The following CA8 variants were observed in gnomAD, a reference collection of about 807,000 sequenced individuals.
CA8 encodes the protein carbonic anhydrase 8 (inactive).
CA8 carries 22 observed loss-of-function variants against 41.4 expected under a neutral mutation model. The ratio of observed to expected loss-of-function variants is 0.53; its 90% confidence interval spans 0.38 to 0.76. CA8 has a LOEUF of 0.76. CA8 is among the 30% of genes least tolerant of loss of function. The probability of loss-of-function intolerance (pLI) is 0.00; values close to 1 mark genes in which losing one functional copy is unlikely to be tolerated. For synonymous variants in CA8, 121 were observed against 130.6 expected (o/e 0.93, Z 0.50); for missense variants, 270 against 352.8 (o/e 0.77, Z 1.88).
At chr8:60,203,334 A>G (rs1806487587) in intron 8 of CA8, among the ~76,000 whole-genome samples, 1 of 152,184 alleles carries the variant, frequency 6.6e-6, no homozygotes, top group African/African-American at 2.4e-5. Flanking sequence ...ATTGAAAGAA[A>G]AAGGATAACT....
intron 8 of CA8, among the ~76,000 whole-genome samples, chr8:60,205,596 A>C (rs1369363526): frequency 1.3e-5 from 2 of 152,198 alleles, no homozygotes; most frequent in Admixed American, 6.5e-5. Flanking sequence ...CCGCTGAACC[A>C]AAGAATTTCC....
rs186456966 is a variant in CA8 at position 60,277,499 on chromosome 8, G to A, written c.292+2190C>T. 5.4e-3 allele frequency among the ~76,000 whole-genome samples: 823 copies of A among 152,076 alleles called. 6 individuals are homozygous for A. The highest frequency in any genetic ancestry group is 0.016 in the African/African-American group (646 of 41,470). On this transcript the variant is annotated intron_variant, in intron 2 of 8. Coordinates refer to ENST00000317995, the MANE Select transcript of CA8 (RefSeq NM_004056.6). ...GCCCCAAGTAGCTGGGATTACAGGC[G>A]TGTGCCACCATGCCCAGCTAATTTT...
intron 3 of CA8, among the ~76,000 whole-genome samples, chr8:60,254,466 T>C (rs1488533287): frequency 6.6e-6 from 1 of 152,222 alleles, no homozygotes; most frequent in Non-Finnish European, 1.5e-5. Flanking sequence ...ACAGCAAGAT[T>C]GGGAACACAG....
chr8:60,237,790 T>G (rs1307841637), intron 3 of CA8, among the ~76,000 whole-genome samples: 1 of 152,210 alleles, frequency 6.6e-6, no homozygotes, highest in Non-Finnish European at 1.5e-5. Flanking sequence ...CTTGGGCACC[T>G]CAGGGTAGAA....
intron 3 of CA8, among the ~76,000 whole-genome samples, chr8:60,235,858 T>C (rs1457079183): frequency 6.6e-6 from 1 of 152,166 alleles, no homozygotes; most frequent in East Asian, 1.9e-4. Context: ...TTATTATGTA[T>C]GCAGTCTGGA....
At chr8:60,219,973 C>T (rs1807189167) in intron 7 of CA8, among the ~76,000 whole-genome samples, 2 of 132,810 alleles carry the variant, frequency 1.5e-5, no homozygotes, top group Middle Eastern at 4.2e-3. Context: ...ATTCTCTAAA[C>T]GTTGTCCCTA....
chr8:60,190,009 A>G (rs1441038678), intron 8 of CA8, 24 bp from the exon 9 acceptor site: 1 of 150,126 alleles, frequency 6.7e-6, no homozygotes, highest in Non-Finnish European at 1.5e-5. Context: ...AAAAAAAAAA[A>G]TGAATCAATT....
At chr8:60,196,300 T>A (rs954624467) in intron 8 of CA8, among the ~76,000 whole-genome samples, 3 of 152,222 alleles carry the variant, frequency 2.0e-5, no homozygotes, top group African/African-American at 7.2e-5. Flanking sequence ...CACAAAGCAC[T>A]GTGATGTGCA....
chr8:60,238,690 G>GA (rs892558245), intron 3 of CA8, among the ~76,000 whole-genome samples: 6 of 152,036 alleles, frequency 3.9e-5, no homozygotes, highest in African/African-American at 1.5e-4. Flanking sequence ...TTCCTCTGTT[G>GA]AAAATCTCTG....
At chr8:60,201,863 G>A (rs1341700753) in intron 8 of CA8, among the ~76,000 whole-genome samples, 1 of 152,104 alleles carries the variant, frequency 6.6e-6, no homozygotes, top group African/African-American at 2.4e-5. Context: ...GTACTTTAAT[G>A]CAACTATAAT....
At position 60,186,084 on chromosome 8, in the gene CA8, A is replaced by C. The variant is rs563066170; in HGVS notation, c.*3937T>G. On this transcript the variant is annotated 3_prime_UTR_variant, in exon 9 of 9. Coordinates refer to ENST00000317995, the MANE Select transcript of CA8 (RefSeq NM_004056.6). Reference sequence around the variant, plus strand: ...AGATGGTGACTCAAATTTACAAGACAAAATGAACATAACCAGAAATGGTAA... The same window carrying C: ...AGATGGTGACTCAAATTTACAAGACCAAATGAACATAACCAGAAATGGTAA... Among the ~76,000 whole-genome samples, 4 of 151,920 alleles carry C rather than the reference A, an allele frequency of 2.6e-5. No individual in the cohort carries two copies. The highest frequency in any genetic ancestry group is 5.9e-5 in the Non-Finnish European group (4 of 67,790).
chr8:60,196,838 C>T (rs1168370601), intron 8 of CA8, among the ~76,000 whole-genome samples: 1 of 152,070 alleles, frequency 6.6e-6, no homozygotes, highest in Non-Finnish European at 1.5e-5. Flanking sequence ...TAAAGAGGGT[C>T]TTGTCTGGCC....
At chr8:60,234,646 C>T (rs1807768491) in intron 3 of CA8, among the ~76,000 whole-genome samples, 1 of 152,190 alleles carries the variant, frequency 6.6e-6, no homozygotes, top group African/African-American at 2.4e-5. Flanking sequence ...GTTGCTATGA[C>T]CCCCACATGT....
chr8:60,230,257 C>A (rs950585555), intron 4 of CA8, among the ~76,000 whole-genome samples: 1 of 152,144 alleles, frequency 6.6e-6, no homozygotes, highest in Admixed American at 6.5e-5. Context: ...GAGATTAGTC[C>A]ACCTGCATAA....
At chr8:60,208,612 A>G in intron 8 of CA8, 138 bp downstream of exon 8, 1 of 742,910 alleles carries the variant, frequency 1.3e-6, no homozygotes, top group African/African-American at 1.7e-5. Context: ...ACAGAGCTCA[A>G]GAATGTGTCA....
intron 8 of CA8, among the ~76,000 whole-genome samples, chr8:60,199,690 A>T (rs1806369030): frequency 6.6e-6 from 1 of 152,114 alleles, no homozygotes; most frequent in Non-Finnish European, 1.5e-5. Flanking sequence ...GATTCTGGGC[A>T]TTATCTAGAT....
intron 3 of CA8, among the ~76,000 whole-genome samples, chr8:60,256,961 TTTTTG>T (rs1302983684): frequency 6.6e-6 from 1 of 152,112 alleles, no homozygotes; most frequent in Non-Finnish European, 1.5e-5. Context: ...AACAAAACGT[TTTTTG>T]TTTTATTTGT....
chr8:60,212,759 C>T (rs183036901), intron 7 of CA8, among the ~76,000 whole-genome samples: 78 of 152,332 alleles, frequency 5.1e-4, no homozygotes, highest in African/African-American at 1.9e-3. Flanking sequence ...CTGCATTGTA[C>T]ACTTTAAAAT....
rs1212221401 is a variant in CA8 at position 60,186,659 on chromosome 8, G to T, written c.*3362C>A. ...AAAAAACAAGATCCAACTATAAGTTGGAGACACACTTTAGATTCAAAAATA... is the reference window on the plus strand; with the variant it reads ...AAAAAACAAGATCCAACTATAAGTTTGAGACACACTTTAGATTCAAAAATA... On this transcript the variant is annotated 3_prime_UTR_variant, in exon 9 of 9. Coordinates refer to ENST00000317995, the MANE Select transcript of CA8 (RefSeq NM_004056.6). Among the ~76,000 whole-genome samples the T allele has an allele frequency of 1.3e-5, 2 of 151,586 alleles. No individual in the cohort carries two copies. The highest frequency in any genetic ancestry group is 2.9e-5 in the Non-Finnish European group (2 of 67,830).
Sources: allele counts gnomAD v4.1 joint callset (sites outside exome capture counted in the v4.1 genomes callset), GRCh38; gene constraint gnomAD v4.1.1; transcripts MANE v1.5; gene names NCBI Gene and HGNC (gene_info 2026-07-23, HGNC 2026-07-21).